The following ATP2B2 variants were observed in gnomAD, a reference collection of about 807,000 sequenced individuals.
The protein encoded by ATP2B2 is plasma membrane calcium-transporting ATPase 2.
Under a neutral mutation model 120.0 loss-of-function variants are expected in ATP2B2, and 15 were observed. That is an observed-to-expected ratio of 0.12 (90% CI 0.08 to 0.19). ATP2B2 has a LOEUF of 0.19. Among genes scored for constraint, ATP2B2 ranks in the 10% least tolerant of loss-of-function variants. The probability of loss-of-function intolerance (pLI) is 1.00; values close to 1 mark genes in which losing one functional copy is unlikely to be tolerated. For synonymous variants in ATP2B2, 694 were observed against 700.3 expected (o/e 0.99, Z 0.14); for missense variants, 1,045 against 1,719.8 (o/e 0.61, Z 6.94).
intron 1 of ATP2B2, among the ~76,000 whole-genome samples, chr3:10,649,751 TG>T (rs774403318): frequency 6.6e-6 from 1 of 152,154 alleles, no homozygotes; most frequent in Non-Finnish European, 1.5e-5. Context: ...AATTGAATCA[TG>T]GGGGCGGGTG....
At position 10,643,413 on chromosome 3, in the gene ATP2B2, A is replaced by C. The variant is rs945288044; in HGVS notation, c.-459-23452T>G. ...TCAATGAAGGCCAAGCCTAGGGGAA[A>C]CTTTGTGGAGAAGCAGCATTATTTA... On this transcript the variant is annotated intron_variant, in intron 1 of 21. Coordinates refer to the ATP2B2 transcript ENST00000646379. Among the ~76,000 whole-genome samples, 8 of 152,322 alleles carry C rather than the reference A, an allele frequency of 5.3e-5. 1 individual carries two copies. The highest frequency in any genetic ancestry group is 1.9e-4 in the African/African-American group (8 of 41,570).
chr3:10,342,864 C>T lies in ATP2B2; in HGVS notation c.2805G>A (p.Leu935=), dbSNP rs2060319772. The T allele has an allele frequency of 6.2e-7, 1 of 1,614,046 alleles. No homozygotes were observed. The highest frequency in any genetic ancestry group is 8.5e-7 in the Non-Finnish European group (1 of 1,180,038). Reference sequence around the variant, plus strand: ...TGTTGCGGCCGTACGGCTTCCTCAGCAGCAGGGTCTCCGTGGGCGGCTCAG... The same window carrying T: ...TGTTGCGGCCGTACGGCTTCCTCAGTAGCAGGGTCTCCGTGGGCGGCTCAG... ...LATEPPTETL[L]LRKPYGRNKP... Residue 935 remains leucine, a synonymous_variant, in exon 19 of 23, where the codon CTG becomes CTA. Coordinates refer to ENST00000360273, the MANE Select transcript of ATP2B2 (RefSeq NM_001001331.4). The surrounding 1 kb of genome is among the most constrained non-coding windows in gnomAD (Gnocchi z 4.4).
chr3:10,550,800 G>A (rs73121360), intron 2 of ATP2B2, among the ~76,000 whole-genome samples: 101 of 152,328 alleles, frequency 6.6e-4, no homozygotes, highest in African/African-American at 2.2e-3. Flanking sequence ...AATCCATGCC[G>A]GGTGAGGTCA....
chr3:10,378,799 T>C (rs1575065009), intron 9 of ATP2B2, among the ~76,000 whole-genome samples: 1 of 152,258 alleles, frequency 6.6e-6, no homozygotes, highest in East Asian at 1.9e-4. Flanking sequence ...TGTGGGATAT[T>C]AAGTAGCCAC....
At chr3:10,541,613 C>T (rs569210119) in intron 2 of ATP2B2, among the ~76,000 whole-genome samples, 15 of 152,154 alleles carry the variant, frequency 9.9e-5, no homozygotes, top group Admixed American at 2.0e-4. Flanking sequence ...TTGATTCCAC[C>T]GTGGCCAGAG....
At chr3:10,374,521 A>G (rs1319294298) in intron 11 of ATP2B2, among the ~76,000 whole-genome samples, 2 of 152,222 alleles carry the variant, frequency 1.3e-5, no homozygotes, top group African/African-American at 2.4e-5. Flanking sequence ...TGCCTCGTTT[A>G]TAAACATGGC....
chr3:10,340,189 C>G lies in ATP2B2; in HGVS notation c.3237+53G>C. 1 of 1,548,174 alleles carries G rather than the reference C, an allele frequency of 6.5e-7. No individual in the cohort carries two copies. The highest frequency in any genetic ancestry group is 8.9e-7 in the Non-Finnish European group (1 of 1,124,226). On this transcript the variant is annotated intron_variant, in intron 21 of 22. Coordinates refer to ENST00000360273, the MANE Select transcript of ATP2B2 (RefSeq NM_001001331.4). This position sits in a 1 kb window ranked among gnomAD's most constrained non-coding sequence, Gnocchi z 5.0. ...GGGGTCCTGGATTCTCCATCCAGTG[C>G]TGTCTCCCTTGCCCTGCTAACAGGC...
intron 1 of ATP2B2, among the ~76,000 whole-genome samples, chr3:10,493,082 T>C (rs1219656192): frequency 6.6e-6 from 1 of 152,186 alleles, no homozygotes; most frequent in Non-Finnish European, 1.5e-5. Context: ...TCCCCTGTCC[T>C]AGGCCCTTGA....
chr3:10,411,498 G>A (rs924250777), intron 2 of ATP2B2, among the ~76,000 whole-genome samples: 9 of 152,150 alleles, frequency 5.9e-5, no homozygotes, highest in South Asian at 2.1e-4. Flanking sequence ...GTCGAATGCC[G>A]CGCAGTGGTT....
chr3:10,631,371 T>A (rs985579228), intron 1 of ATP2B2, among the ~76,000 whole-genome samples: 1 of 152,232 alleles, frequency 6.6e-6, no homozygotes, highest in Non-Finnish European at 1.5e-5. Context: ...AGGTCCATCT[T>A]TCCTTTAGGA....
intron 1 of ATP2B2, among the ~76,000 whole-genome samples, chr3:10,676,701 G>A (rs533631526): frequency 6.6e-6 from 1 of 152,318 alleles, no homozygotes; most frequent in Non-Finnish European, 1.5e-5. Flanking sequence ...CCCTAAGGGG[G>A]AGAAAATTAA....
rs1305811254 is a variant in ATP2B2 at position 10,422,335 on chromosome 3, G to T, written c.200-11520C>A. On this transcript the variant is annotated intron_variant, in intron 2 of 22. Coordinates refer to ENST00000360273, the MANE Select transcript of ATP2B2 (RefSeq NM_001001331.4). The stretch of plus-strand genomic sequence containing the variant: ...CGGGCATCTGCTGTGATATCGGTCT[G>T]TATGGGCTGTCAAGGTAAGTTCAGA... Among the ~76,000 whole-genome samples the T allele has an allele frequency of 4.6e-5, 7 of 152,354 alleles. No individual in the cohort carries two copies. The East Asian group carries it at 1.3e-3, about 29-fold the overall frequency.
chr3:10,441,258 C>T (rs1268156014), intron 2 of ATP2B2, among the ~76,000 whole-genome samples: 2 of 151,992 alleles, frequency 1.3e-5, no homozygotes, highest in South Asian at 4.2e-4. Context: ...TGTTTCCTGT[C>T]TTTTTGTTTT....
At chr3:10,354,137 C>G (rs766243489) in intron 14 of ATP2B2, among the ~76,000 whole-genome samples, 5 of 152,190 alleles carry the variant, frequency 3.3e-5, no homozygotes, top group Admixed American at 6.5e-5. Context: ...ATGAAATGCT[C>G]TCTATTCCTG....
chr3:10,527,706 A>T (rs945408836), intron 3 of ATP2B2, among the ~76,000 whole-genome samples: 1 of 152,306 alleles, frequency 6.6e-6, no homozygotes, highest in East Asian at 1.9e-4. Context: ...CAACCAGTCC[A>T]GGGCTGTGGG....
intron 12 of ATP2B2, among the ~76,000 whole-genome samples, chr3:10,369,425 A>G (rs1236815533): frequency 2.0e-5 from 3 of 152,156 alleles, no homozygotes; most frequent in Non-Finnish European, 4.4e-5. Context: ...GTTGGTATCT[A>G]TGACCAAAAA....
intron 2 of ATP2B2, among the ~76,000 whole-genome samples, chr3:10,426,671 C>T (rs371563986): frequency 6.6e-5 from 10 of 152,262 alleles, no homozygotes; most frequent in Admixed American, 1.3e-4. Flanking sequence ...TTTAGGTGCG[C>T]GAAGTTACTA....
At chr3:10,686,391 A>G (rs1336270333) in intron 1 of ATP2B2, among the ~76,000 whole-genome samples, 1 of 152,208 alleles carries the variant, frequency 6.6e-6, no homozygotes, top group Non-Finnish European at 1.5e-5. Context: ...GTGGTGGCTC[A>G]GGCCTGTAAT....
chr3:10,599,686 C>T (rs1410208818), intron 2 of ATP2B2, among the ~76,000 whole-genome samples: 1 of 151,860 alleles, frequency 6.6e-6, no homozygotes, highest in Non-Finnish European at 1.5e-5. Context: ...GGAGTCTTTG[C>T]CCCCACGTAT....
Sources: allele counts gnomAD v4.1 joint callset (sites outside exome capture counted in the v4.1 genomes callset), GRCh38; gene constraint gnomAD v4.1.1; non-coding constraint Gnocchi (gnomAD v3.1); transcripts MANE v1.5; gene names NCBI Gene and HGNC (gene_info 2026-07-23, HGNC 2026-07-21).